Variants in NDUFS2 observed in about 807,000 individuals in gnomAD.
NDUFS2 encodes the protein NADH dehydrogenase [ubiquinone] iron-sulfur protein 2, mitochondrial.
Under a neutral mutation model 69.6 loss-of-function variants are expected in NDUFS2, and 38 were observed. The observed-to-expected ratio is 0.55, with a 90% CI of 0.42 to 0.72. The LOEUF (loss-of-function observed/expected upper bound fraction) is 0.72. Ranked by LOEUF, NDUFS2 falls within the 30% of genes least tolerant of loss-of-function variation. The pLI is 0.00. For synonymous variants in NDUFS2, 194 were observed against 211.2 expected, an observed-to-expected ratio of 0.92 and a Z score of 0.70; for missense variants, 468 against 595.0, an observed-to-expected ratio of 0.79 and a Z score of 2.22.
upstream of NDUFS2, chr1:161,197,945 A>T (rs1191632138): frequency 6.6e-7 from 1 of 1,518,790 alleles, no homozygotes; most frequent in Non-Finnish European, 8.8e-7. Flanking sequence ...GGTCAGTAGG[A>T]CAGACATGGC....
Position 161,213,605 on chromosome 1 carries a change from A to G in NDUFS2, c.1213-44A>G, listed in dbSNP as rs1297936774. The G allele has an allele frequency of 2.5e-6, 4 of 1,597,318 alleles. No homozygotes were observed. In the Admixed American group the frequency reaches 5.0e-5, roughly 20 times the overall value. ...AGAGGTTTTGTTGGCAGAGAAAAAT[A>G]CTCTTCATGTTAATACAGACACCCA... On this transcript the variant is annotated intron_variant, in intron 11 of 13. Coordinates refer to ENST00000676972, the MANE Select transcript of NDUFS2 (RefSeq NM_001377299.1).
upstream of NDUFS2, among the ~76,000 whole-genome samples, chr1:161,201,853 AC>A (rs1169814951): frequency 5.9e-5 from 9 of 152,278 alleles, no homozygotes; most frequent in East Asian, 1.7e-3. Flanking sequence ...GCCCAGCCCC[AC>A]TTAGGCTCCT....
At chr1:161,208,496 C>G (rs543309978) in intron 3 of NDUFS2, among the ~76,000 whole-genome samples, 30 of 152,154 alleles carry the variant, frequency 2.0e-4, no homozygotes, top group Non-Finnish European at 3.8e-4. Flanking sequence ...GAAGGGGTTT[C>G]TCCATGTTGG....
chr1:161,210,965 C>T (rs1665739287), intron 9 of NDUFS2, among the ~76,000 whole-genome samples: 1 of 152,210 alleles, frequency 6.6e-6, no homozygotes, highest in African/African-American at 2.4e-5. Context: ...ACCTCCGCCT[C>T]CTGGGTTCAA....
chr1:161,198,035 G>A (rs560666778), upstream of NDUFS2: 1 of 1,592,102 alleles, frequency 6.3e-7, no homozygotes, highest in African/African-American at 1.3e-5. This position sits in a 1 kb window ranked among gnomAD's most constrained non-coding sequence, Gnocchi z 4.7. Context: ...TCCAAGAGGA[G>A]CCTTGACGTT....
chr1:161,203,555 G>A lies in NDUFS2; in HGVS notation c.202+12G>A. 1 of 1,606,876 alleles carries A rather than the reference G, an allele frequency of 6.2e-7. No homozygotes were observed. On this transcript the variant is annotated intron_variant, in intron 2 of 13. Transcript: ENST00000676972. ...TCCACCTTGGAATGGTGAGTGACCA[G>A]AGTTGCTGTCCCAACCCACACCCAT... is the stretch of plus-strand genomic sequence containing the variant.
chr1:161,210,754 C>A, intron 9 of NDUFS2, 44 bp downstream of exon 9: 1 of 1,613,136 alleles, frequency 6.2e-7, no homozygotes, highest in Non-Finnish European at 8.5e-7. Context: ...AGCTAGTTTC[C>A]CCTGCCTCAC....
rs182550192 is a variant in NDUFS2, at chr1:161,214,136, T to G, written c.1355-20T>G. The G allele has an allele frequency of 3.7e-6, 6 of 1,614,036 alleles. No homozygotes were observed. Among genetic ancestry groups the G allele is most frequent in the East Asian group, 4.5e-5 (2 of 44,886 alleles). On this transcript the variant is annotated intron_variant, in intron 13 of 13. Coordinates refer to ENST00000676972, the MANE Select transcript of NDUFS2 (RefSeq NM_001377299.1). ...AGGAAGATAAGTAACATCACTTTTT[T>G]CCTCCATCCTCTCACCTAGGTACCC...
chr1:161,210,201 T>G lies in NDUFS2; in HGVS notation c.780+13T>G. 1 of 1,613,488 alleles carries G rather than the reference T, an allele frequency of 6.2e-7. No homozygotes were observed. The stretch of plus-strand genomic sequence containing the variant: ...TGAGTTGGAGGAGGTAAGCTAGGAG[T>G]CAATGGGAAAAATCTCTCCCCCACA... On this transcript the variant is annotated intron_variant, in intron 7 of 13. Coordinates refer to ENST00000676972, the MANE Select transcript of NDUFS2 (RefSeq NM_001377299.1).
At position 161,214,081 on chromosome 1, in the gene NDUFS2, C is replaced by T. The variant is rs988361551; in HGVS notation, c.1355-75C>T. ...AATGGGTTCTGGATCTTGGGTAACA[C>T]CACTTTTTTTGTTTGTTTTGCCTCA... On this transcript the variant is annotated intron_variant, in intron 13 of 13. Transcript: ENST00000676972. 1.9e-6 allele frequency: 3 copies of T among 1,613,534 alleles called. No individual in the cohort carries two copies. In the African/African-American group the frequency reaches 4.0e-5, roughly 22 times the overall value.
upstream of NDUFS2, chr1:161,198,606 G>T: frequency 6.5e-7 from 1 of 1,534,938 alleles, no homozygotes; most frequent in South Asian, 1.2e-5. This position sits in a 1 kb window ranked among gnomAD's most constrained non-coding sequence, Gnocchi z 4.7. Flanking sequence ...CCCCTCCCGG[G>T]ATGCGAGCCT....
rs769424107 is a variant in NDUFS2 at position 161,213,779 on chromosome 1, C to A, written c.1296+47C>A. On this transcript the variant is annotated intron_variant, in intron 12 of 13. Coordinates refer to ENST00000676972, the MANE Select transcript of NDUFS2 (RefSeq NM_001377299.1). ...TATAACTCCAATGAATTAAACCTGA[C>A]CTTGGTTGAGGTTTTTATGAACTCT... 12 of 1,610,180 alleles carry A rather than the reference C, an allele frequency of 7.5e-6. No individual in the cohort carries two copies. In the East Asian group the frequency reaches 2.7e-4, roughly 36 times the overall value.
chr1:161,202,113 G>T (rs574345873), upstream of NDUFS2: 251 of 534,400 alleles, frequency 4.7e-4, no homozygotes, highest in South Asian at 4.8e-3. Context: ...TCTGCCCCAC[G>T]CAGGAACGGC....
At chr1:161,204,999 C>T (rs1180173874) in intron 2 of NDUFS2, among the ~76,000 whole-genome samples, 1 of 151,090 alleles carries the variant, frequency 6.6e-6, no homozygotes, top group African/African-American at 2.4e-5. Context: ...TGCAGTGAAC[C>T]GAGATCACGC....
rs1665694128 is a variant in NDUFS2 at position 161,210,163 on chromosome 1, C to T, written c.755C>T (p.Ser252Phe). 2.5e-6 allele frequency: 4 copies of T among 1,614,176 alleles called. No homozygotes were observed. The highest frequency in any genetic ancestry group is 4.5e-5 in the East Asian group (2 of 44,876). Reference sequence around the variant, plus strand: ...ATTTATCAGTTTTCTAAGAACTTCTCTCTTCGGCTTGATGAGTTGGAGGAG... The same window carrying T: ...ATTTATCAGTTTTCTAAGAACTTCTTTCTTCGGCTTGATGAGTTGGAGGAG... ...DDIYQFSKNF[S>F]LRLDELEELL... Residue 252 changes from serine to phenylalanine, a missense_variant, in exon 7 of 14, where the codon TCT becomes TTT. By Grantham distance (155) the Ser-to-Phe change is radical. This residue lies in a region of NDUFS2 where 339 missense variants were observed against 433.8 expected (regional missense o/e 0.78). Transcript: ENST00000676972.
At chr1:161,201,076 TAGAA>T (rs1454685531), upstream of NDUFS2, among the ~76,000 whole-genome samples, 1 of 152,108 alleles carries the variant, frequency 6.6e-6, no homozygotes, top group Non-Finnish European at 1.5e-5. Context: ...GTTTCAACAA[TAGAA>T]AGAAGGCCCA....
At chr1:161,210,003 C>G in intron 6 of NDUFS2, 72 bp downstream of exon 6, 1 of 1,600,630 alleles carries the variant, frequency 6.2e-7, no homozygotes, top group Non-Finnish European at 8.6e-7. Context: ...GAGGGCAGTG[C>G]TGGATGATGG....
At chr1:161,203,618 C>A (rs1209889282) in intron 2 of NDUFS2, 75 bp downstream of exon 2, 13 of 1,254,220 alleles carry the variant, frequency 1.0e-5, no homozygotes, top group Non-Finnish European at 1.5e-5. Flanking sequence ...TTTTTTGAGA[C>A]AGGGTTTCCC....
intron 9 of NDUFS2, among the ~76,000 whole-genome samples, chr1:161,211,031 C>T (rs140563837): frequency 4.6e-5 from 7 of 152,270 alleles, no homozygotes; most frequent in African/African-American, 1.2e-4. Context: ...TGAGCCACCA[C>T]GCTCAGCTAA....
Sources: gnomAD v4.1 joint callset for allele counts (sites outside exome capture counted in the v4.1 genomes callset) on GRCh38, gnomAD v4.1.1 for gene constraint, gnomAD v4.1.1 regional missense constraint, Gnocchi (gnomAD v3.1) non-coding constraint, MANE v1.5 for transcripts, NCBI Gene and HGNC (gene_info 2026-07-23, HGNC 2026-07-21) for gene names.